The following SLC44A3 variants were observed in gnomAD, a reference collection of about 807,000 sequenced individuals.
SLC44A3 encodes the protein choline transporter-like protein 3.
SLC44A3 carries 74 observed loss-of-function variants against 75.4 expected under a neutral mutation model. The ratio of observed to expected loss-of-function variants is 0.98; its 90% CI spans 0.81 to 1.19. The LOEUF is 1.19. SLC44A3 is among the 50% of genes most tolerant of loss of function. SLC44A3 has a pLI of 0.00. For missense variants in SLC44A3, 700 were observed against 778.6 expected, an observed-to-expected ratio of 0.90 and a Z score of 1.20; for synonymous variants, 310 against 296.9, an observed-to-expected ratio of 1.04 and a Z score of -0.45.
At chr1:94,848,143 A>C (rs568450976) in intron 9 of SLC44A3, among the ~76,000 whole-genome samples, 2 of 151,468 alleles carry the variant, frequency 1.3e-5, no homozygotes, top group African/African-American at 4.9e-5. Context: ...GCAGGAGAAT[A>C]GCATGAACCC....
At chr1:94,851,607 A>G (rs916116736) in intron 9 of SLC44A3, among the ~76,000 whole-genome samples, 2 of 152,232 alleles carry the variant, frequency 1.3e-5, no homozygotes, top group Non-Finnish European at 2.9e-5. Context: ...CATCAGTGTC[A>G]TGGTTGTGAA....
intron 9 of SLC44A3, among the ~76,000 whole-genome samples, chr1:94,854,377 CCAAGCCTTCTCA>C (rs1665590751): frequency 6.6e-6 from 1 of 152,194 alleles, no homozygotes; most frequent in African/African-American, 2.4e-5. Flanking sequence ...GAGCCTGGAA[CCAAGCCTTCTCA>C]CAATTCAGTG....
chr1:94,825,598 G>A (rs553259175), intron 3 of SLC44A3, among the ~76,000 whole-genome samples: 1 of 152,272 alleles, frequency 6.6e-6, no homozygotes, highest in African/African-American at 2.4e-5. Context: ...AAAGTGCTGG[G>A]ATTACAGCCG....
chr1:94,876,951 G>A (rs61772580), intron 12 of SLC44A3, among the ~76,000 whole-genome samples: 26,063 of 151,528 alleles, frequency 0.17, 2,483 homozygotes, highest in Admixed American at 0.25. Flanking sequence ...TGCTTGGGAA[G>A]TAGGAATCTT....
At chr1:94,839,503 C>T (rs1462947486) in intron 6 of SLC44A3, among the ~76,000 whole-genome samples, 3 of 152,050 alleles carry the variant, frequency 2.0e-5, no homozygotes, top group Non-Finnish European at 4.4e-5. Flanking sequence ...ATTCTTGTAC[C>T]TCAGCCTCCC....
chr1:94,841,934 C>T, intron 7 of SLC44A3, 66 bp from the exon 8 acceptor site: 1 of 1,525,992 alleles, frequency 6.6e-7, no homozygotes, highest in Non-Finnish European at 8.8e-7. Context: ...CTGTGTGATT[C>T]TGTGTGCTGG....
At chr1:94,886,070 G>A (rs187812070) in intron 12 of SLC44A3, among the ~76,000 whole-genome samples, 38 of 152,282 alleles carry the variant, frequency 2.5e-4, no homozygotes, top group Admixed American at 1.1e-3. Flanking sequence ...AAGAACTCAC[G>A]GTCTTTGGGC....
chr1:94,832,180 G>A (rs1304166103), intron 5 of SLC44A3, among the ~76,000 whole-genome samples: 3 of 151,784 alleles, frequency 2.0e-5, no homozygotes, highest in Non-Finnish European at 4.4e-5. Context: ...AAAAAAAGAT[G>A]CATCCCTACC....
At chr1:94,835,797 C>T (rs1223787460) in intron 5 of SLC44A3, among the ~76,000 whole-genome samples, 2 of 152,138 alleles carry the variant, frequency 1.3e-5, no homozygotes, top group Admixed American at 6.5e-5. Flanking sequence ...ATAAAAGTCT[C>T]TAGAATGGTT....
At chr1:94,884,972 G>A (rs759171361) in intron 12 of SLC44A3, among the ~76,000 whole-genome samples, 8 of 152,224 alleles carry the variant, frequency 5.3e-5, no homozygotes, top group South Asian at 2.1e-4. Flanking sequence ...CCGGCCAGGC[G>A]CAGTGGCTCA....
chr1:94,854,057 C>T (rs1311949705), intron 9 of SLC44A3, among the ~76,000 whole-genome samples: 1 of 152,088 alleles, frequency 6.6e-6, no homozygotes, highest in Non-Finnish European at 1.5e-5. Flanking sequence ...TTCTAAGAGC[C>T]TTACCTGTTT....
intron 9 of SLC44A3, among the ~76,000 whole-genome samples, chr1:94,854,457 C>G (rs1050161101): frequency 1.3e-5 from 2 of 152,238 alleles, no homozygotes; most frequent in Middle Eastern, 3.2e-3. Context: ...CCATAGTCTA[C>G]CTCCCATTAA....
chr1:94,891,662 T>C (rs1049654268), intron 13 of SLC44A3, among the ~76,000 whole-genome samples: 1 of 152,184 alleles, frequency 6.6e-6, no homozygotes, highest in Admixed American at 6.5e-5. Context: ...GTGGCTCACA[T>C]GTGTAATCCC....
At chr1:94,844,907 A>T (rs1664201007) in intron 8 of SLC44A3, among the ~76,000 whole-genome samples, 1 of 152,128 alleles carries the variant, frequency 6.6e-6, no homozygotes, top group East Asian at 1.9e-4. Flanking sequence ...TTTGCCTCAT[A>T]CTCATATTCC....
intron 9 of SLC44A3, among the ~76,000 whole-genome samples, chr1:94,848,009 A>C (rs933120647): frequency 2.6e-5 from 4 of 152,190 alleles, no homozygotes; most frequent in Non-Finnish European, 5.9e-5. Context: ...CGGGCGGATC[A>C]TGAGGTCATG....
At chr1:94,838,048 C>CGGCT (rs1290339791) in intron 6 of SLC44A3, among the ~76,000 whole-genome samples, 177 bp downstream of exon 6, 1 of 152,186 alleles carries the variant, frequency 6.6e-6, no homozygotes, top group Non-Finnish European at 1.5e-5. Flanking sequence ...AATAGAGGAG[C>CGGCT]GGCTGGCCCT....
Position 94,864,919 on chromosome 1 carries a change from C to T in SLC44A3, c.1395+20C>T, listed in dbSNP as rs1196183367. 3.7e-6 allele frequency: 6 copies of T among 1,610,818 alleles called. No individual in the cohort carries two copies. The Admixed American group carries it at 6.7e-5, about 18-fold the overall frequency. ...GAACAGGTAAGGCTACCTCCTGATA[C>T]ACAGCACGTTCTGTGTTTGGGTTGC... is the stretch of plus-strand genomic sequence containing the variant. On this transcript the variant is annotated intron_variant, in intron 11 of 14. Coordinates refer to ENST00000271227, the MANE Select transcript of SLC44A3 (RefSeq NM_001114106.3).
At chr1:94,865,136 T>G (rs576177922) in intron 11 of SLC44A3, among the ~76,000 whole-genome samples, 2 of 152,284 alleles carry the variant, frequency 1.3e-5, no homozygotes, top group South Asian at 4.1e-4. Flanking sequence ...TCGGTGGAGA[T>G]GGCGTGGGGA....
intron 8 of SLC44A3, chr1:94,843,364 G>A (rs528394997): frequency 5.3e-5 from 8 of 152,344 alleles, no homozygotes; most frequent in African/African-American, 1.9e-4. Context: ...ACCAATTCCC[G>A]GTTGCTAGAT....
Sources: allele counts gnomAD v4.1 joint callset (sites outside exome capture counted in the v4.1 genomes callset), GRCh38; gene constraint gnomAD v4.1.1; transcripts MANE v1.5; gene names NCBI Gene and HGNC (gene_info 2026-07-23, HGNC 2026-07-21).